CDH1: variants seen among roughly 807,000 people sequenced by gnomAD.
The protein encoded by CDH1 is cadherin-1.
Under a neutral mutation model 84.5 loss-of-function variants are expected in CDH1, and 35 were observed. The observed-to-expected ratio is 0.41, with a 90% CI of 0.32 to 0.55. The LOEUF (loss-of-function observed/expected upper bound fraction) is 0.55. CDH1 is among the 20% of genes least tolerant of loss of function. The probability of loss-of-function intolerance (pLI) is 0.19; values close to 1 mark genes in which losing one functional copy is unlikely to be tolerated. For synonymous variants in CDH1, 417 were observed against 439.0 expected, an observed-to-expected ratio of 0.95 and a Z score of 0.63; for missense variants, 994 against 1,126.6, an observed-to-expected ratio of 0.88 and a Z score of 1.68.
At chr16:68,750,270 G>A (rs532505076) in intron 2 of CDH1, among the ~76,000 whole-genome samples, 65 of 150,994 alleles carry the variant, frequency 4.3e-4, no homozygotes, top group Non-Finnish European at 7.5e-4. Flanking sequence ...TCTTCCTTTC[G>A]GTCTCTTTCA....
At chr16:68,745,549 A>ATATATATATATATATTTGT (rs1285099283) in intron 2 of CDH1, among the ~76,000 whole-genome samples, 1 of 75,182 alleles carries the variant, frequency 1.3e-5, no homozygotes, top group Admixed American at 1.8e-4. Context: ...AAAAAAAAAA[A>ATATATATATATATATTTGT]ATATATATAT....
At chr16:68,807,274 G>A (rs1960690604) in intron 3 of CDH1, among the ~76,000 whole-genome samples, 1 of 152,184 alleles carries the variant, frequency 6.6e-6, no homozygotes, top group Admixed American at 6.6e-5. Context: ...GATACAGTGA[G>A]ATGAAGAGAT....
chr16:68,789,245 T>G (rs1250014325), intron 2 of CDH1, among the ~76,000 whole-genome samples: 2 of 152,010 alleles, frequency 1.3e-5, no homozygotes, highest in African/African-American at 4.8e-5. Flanking sequence ...CCCAGGCTGG[T>G]CTTGACGGGA....
At chr16:68,823,992 C>CT (rs889358029) in intron 13 of CDH1, among the ~76,000 whole-genome samples, 5,513 of 99,740 alleles carry the variant, frequency 0.055, 250 homozygotes, top group African/African-American at 0.083. Flanking sequence ...TTCTGCATTT[C>CT]TTTTTTTTTT....
intron 2 of CDH1, among the ~76,000 whole-genome samples, chr16:68,779,312 G>A (rs1272406804): frequency 6.6e-6 from 1 of 152,196 alleles, no homozygotes; most frequent in Non-Finnish European, 1.5e-5. Flanking sequence ...GCACAGAGGG[G>A]CAAAGAGGCA....
intron 15 of CDH1, among the ~76,000 whole-genome samples, chr16:68,832,202 T>C (rs1023344695): frequency 4.0e-5 from 6 of 151,834 alleles, no homozygotes; most frequent in Admixed American, 2.6e-4. Context: ...GGTGATGAAA[T>C]AATCTGTACA....
rs1355240798 is a variant in CDH1 at position 68,757,213 on chromosome 16, C to T, written c.163+18802C>T. Among the ~76,000 whole-genome samples the T allele has an allele frequency of 3.9e-5, 6 of 151,986 alleles. 1 individual carries two copies. The South Asian group carries it at 6.2e-4, about 16-fold the overall frequency. On this transcript the variant is annotated intron_variant, in intron 2 of 15. Coordinates refer to ENST00000261769, the MANE Select transcript of CDH1 (RefSeq NM_004360.5). Reference sequence around the variant, plus strand: ...AAGCTATTCTCCTTCCTCAGCCTCCCGAGTAGCTGGGATTATAGGCCAGCG... The same window carrying T: ...AAGCTATTCTCCTTCCTCAGCCTCCTGAGTAGCTGGGATTATAGGCCAGCG...
At chr16:68,811,963 T>C in intron 7 of CDH1, 104 bp downstream of exon 7, 1 of 1,468,800 alleles carries the variant, frequency 6.8e-7, no homozygotes, top group Non-Finnish European at 9.5e-7. Flanking sequence ...GTTAATACAG[T>C]GATGGTCTAA....
chr16:68,833,206 C>T, intron 15 of CDH1, 84 bp from the exon 16 acceptor site: 1 of 1,214,100 alleles, frequency 8.2e-7, no homozygotes, highest in Non-Finnish European at 1.2e-6. Context: ...ATTGTCGTAC[C>T]TTACATATTG....
chr16:68,829,523 T>C (rs1172517681), intron 14 of CDH1, 131 bp from the exon 15 acceptor site: 1 of 937,538 alleles, frequency 1.1e-6, no homozygotes, highest in Non-Finnish European at 1.7e-6. Context: ...CATTTTGCAT[T>C]AAACTGGTAA....
chr16:68,784,250 T>C (rs1021145337), intron 2 of CDH1, among the ~76,000 whole-genome samples: 1 of 152,216 alleles, frequency 6.6e-6, no homozygotes, highest in South Asian at 2.1e-4. Flanking sequence ...CTTGCCATGA[T>C]GTCCAAGGCC....
In CDH1 at chr16:68,784,019, G is replaced by A. The variant is rs1048662313; in HGVS notation, c.164-17651G>A. ...TTGCATCATTTTCCATTGAGTGGAT[G>A]CCCATCATTGATTTATCCAGCCCTC... On this transcript the variant is annotated intron_variant, in intron 2 of 15. Coordinates refer to ENST00000261769, the MANE Select transcript of CDH1 (RefSeq NM_004360.5). Among the ~76,000 whole-genome samples, 3 of 152,210 alleles carry A rather than the reference G, an allele frequency of 2.0e-5. No homozygotes were observed. In the East Asian group the frequency reaches 5.8e-4, roughly 29 times the overall value.
chr16:68,780,501 G>A (rs914814083), intron 2 of CDH1, among the ~76,000 whole-genome samples: 65 of 151,936 alleles, frequency 4.3e-4, no homozygotes, highest in Non-Finnish European at 2.2e-4. Flanking sequence ...ATAGGGTTTC[G>A]CCATGTTGGC....
At chr16:68,760,153 G>A (rs998723445) in intron 2 of CDH1, among the ~76,000 whole-genome samples, 6 of 143,540 alleles carry the variant, frequency 4.2e-5, no homozygotes, top group African/African-American at 1.5e-4. Flanking sequence ...AGGCTAGAGT[G>A]CAATGGTGCG....
chr16:68,809,127 G>C (rs1960750884), intron 5 of CDH1: 10 of 477,880 alleles, frequency 2.1e-5, no homozygotes, highest in South Asian at 2.1e-4. Flanking sequence ...CTTGGGGCTG[G>C]AAGTCCCTGA....
intron 2 of CDH1, among the ~76,000 whole-genome samples, chr16:68,781,203 T>G (rs1480645666): frequency 6.6e-6 from 1 of 152,224 alleles, no homozygotes; most frequent in Non-Finnish European, 1.5e-5. Flanking sequence ...ATTATTTATC[T>G]GCAGGTCAGA....
chr16:68,832,484 AAAAT>A lies in CDH1; in HGVS notation c.2440-796_2440-793del, dbSNP rs548275214. On this transcript the variant is annotated intron_variant, in intron 15 of 15. Transcript: ENST00000261769. The stretch of plus-strand genomic sequence containing the variant: ...GAGCAAGACTCTGAGACTCCATCTC[AAAAT>A]AAATAAATATACTTTATTTATTTCA... Among the ~76,000 whole-genome samples the A allele has an allele frequency of 6.7e-4, 101 of 151,782 alleles. 1 individual carries two copies. Among genetic ancestry groups the A allele is most frequent in the Middle Eastern group, 6.8e-3 (2 of 294 alleles).
intron 2 of CDH1, among the ~76,000 whole-genome samples, chr16:68,764,699 G>T (rs1959318363): frequency 1.3e-5 from 2 of 152,186 alleles, no homozygotes; most frequent in Admixed American, 1.3e-4. Flanking sequence ...AAATATGCAA[G>T]GTGTGTAACA....
chr16:68,800,953 G>A (rs755076644), intron 2 of CDH1, among the ~76,000 whole-genome samples: 2 of 152,024 alleles, frequency 1.3e-5, no homozygotes, highest in South Asian at 2.1e-4. Flanking sequence ...AAGTATCTTC[G>A]TCACGATTTT....
Sources: gnomAD v4.1 joint callset for allele counts (sites outside exome capture counted in the v4.1 genomes callset) on GRCh38, gnomAD v4.1.1 for gene constraint, MANE v1.5 for transcripts, NCBI Gene and HGNC (gene_info 2026-07-23, HGNC 2026-07-21) for gene names.